Variants in MINDY3 observed in about 807,000 individuals in gnomAD.
MINDY3 encodes MINDY lysine 48 deubiquitinase 3.
In MINDY3, 38 loss-of-function variants were observed where a neutral mutation model predicts 69.2. The ratio of observed to expected loss-of-function variants is 0.55; its 90% CI spans 0.42 to 0.72. MINDY3 has a LOEUF of 0.72. Among genes scored for constraint, MINDY3 ranks in the 30% least tolerant of loss-of-function variants. The pLI is 0.00. For missense variants in MINDY3, 522 were observed against 519.0 expected, an observed-to-expected ratio of 1.01 and a Z score of -0.06; for synonymous variants, 192 against 180.1, an observed-to-expected ratio of 1.07 and a Z score of -0.53.
chr10:15,782,187 T>C lies in MINDY3; in HGVS notation c.1156A>G (p.Asn386Asp), dbSNP rs1189202135. The C allele has an allele frequency of 1.9e-6, 3 of 1,611,046 alleles. No individual in the cohort carries two copies. The highest frequency in any genetic ancestry group is 2.7e-5 in the African/African-American group (2 of 74,918). ...GPESFTVYHY[N>D]GLKQSNYNEK... is the part of the protein sequence containing the mutation. ...TTATAATTTGACTGCTTCAATCCATTGTAGTGGTAGACAGTAAAAGATTCT... is the reference window on the plus strand; with the variant it reads ...TTATAATTTGACTGCTTCAATCCATCGTAGTGGTAGACAGTAAAAGATTCT... Residue 386 changes from asparagine to aspartate, a missense_variant, in exon 14 of 15, where the codon AAT becomes GAT. Asn to Asp is a conservative substitution (Grantham distance 23). Coordinates refer to ENST00000277632, the MANE Select transcript of MINDY3 (RefSeq NM_024948.4).
chr10:15,804,640 T>C (rs759242832), intron 10 of MINDY3, among the ~76,000 whole-genome samples: 1 of 152,120 alleles, frequency 6.6e-6, no homozygotes, highest in Non-Finnish European at 1.5e-5. Flanking sequence ...CTCCAATAAA[T>C]AAATAAAAGG....
chr10:15,845,483 T>C (rs890816878), intron 2 of MINDY3, among the ~76,000 whole-genome samples: 8 of 152,118 alleles, frequency 5.3e-5, no homozygotes, highest in Admixed American at 1.3e-4. Flanking sequence ...CAAAATTCTT[T>C]ACAAAGTTTA....
rs1436519219 is a variant in MINDY3 at position 15,860,496 on chromosome 10, C to A, written c.-197G>T. ...CAGGTTGGGGCAGCAGCGAGTTTTC[C>A]GTACCGGAAGTGCTGGTGCCACTTC... is the stretch of plus-strand genomic sequence containing the variant. On this transcript the variant is annotated 5_prime_UTR_variant, in exon 1 of 15. Transcript: ENST00000277632. 1 of 599,324 alleles carries A rather than the reference C, an allele frequency of 1.7e-6. No individual in the cohort carries two copies. The highest frequency in any genetic ancestry group is 2.9e-6 in the Non-Finnish European group (1 of 340,842). 37.1% of individuals were successfully genotyped at this position (599,324 alleles called of 1,614,324 possible). A position where few individuals can be genotyped will look rare whatever the true frequency, so the allele number is the denominator to read the frequency against.
intron 10 of MINDY3, 38 bp downstream of exon 10, chr10:15,816,796 GA>G (rs1839401474): frequency 3.0e-6 from 4 of 1,340,894 alleles, no homozygotes; most frequent in Middle Eastern, 1.8e-4. Context: ...TTGTTTGCCT[GA>G]TGTCATAACT....
chr10:15,839,303 G>A (rs547133005), intron 4 of MINDY3, among the ~76,000 whole-genome samples: 2 of 151,552 alleles, frequency 1.3e-5, no homozygotes, highest in African/African-American at 4.8e-5. Flanking sequence ...TTATTTCTTG[G>A]TTTATGTGGG....
At chr10:15,804,002 C>G (rs1017227557) in intron 10 of MINDY3, among the ~76,000 whole-genome samples, 22 of 152,116 alleles carry the variant, frequency 1.4e-4, no homozygotes, top group African/African-American at 5.3e-4. Context: ...AGATCCTACA[C>G]ATGAGACTCA....
chr10:15,853,961 G>A (rs1340198557), intron 1 of MINDY3, among the ~76,000 whole-genome samples: 1 of 152,188 alleles, frequency 6.6e-6, no homozygotes, highest in African/African-American at 2.4e-5. Flanking sequence ...TTGTTCCGAT[G>A]ACATCACTGG....
intron 1 of MINDY3, among the ~76,000 whole-genome samples, chr10:15,858,867 T>C (rs1834879971): frequency 6.6e-6 from 1 of 152,118 alleles, no homozygotes; most frequent in African/African-American, 2.4e-5. Context: ...TAAGTCAAAG[T>C]GGGAAGTGTT....
intron 6 of MINDY3, among the ~76,000 whole-genome samples, chr10:15,835,164 G>A (rs911520456): frequency 6.6e-6 from 1 of 151,934 alleles, no homozygotes; most frequent in African/African-American, 2.4e-5. Context: ...AATTAGGAGG[G>A]CAGGAAGTGC....
At chr10:15,827,665 G>C (rs1393433737) in intron 8 of MINDY3, among the ~76,000 whole-genome samples, 3 of 152,074 alleles carry the variant, frequency 2.0e-5, no homozygotes, top group Non-Finnish European at 4.4e-5. Context: ...GTCAAACAGA[G>C]GAAGAACTAA....
chr10:15,847,793 C>T, intron 2 of MINDY3, 71 bp downstream of exon 2: 4 of 1,056,542 alleles, frequency 3.8e-6, no homozygotes, highest in Non-Finnish European at 5.9e-6. Context: ...GGAGTACAGA[C>T]ATTAGAAAAC....
intron 4 of MINDY3, among the ~76,000 whole-genome samples, chr10:15,840,993 T>C (rs780837115): frequency 2.0e-5 from 3 of 151,506 alleles, no homozygotes; most frequent in East Asian, 1.9e-4. Context: ...AAGAAACAGC[T>C]TGCAATGAGG....
At chr10:15,821,187 G>C (rs1839732530) in intron 9 of MINDY3, among the ~76,000 whole-genome samples, 1 of 152,116 alleles carries the variant, frequency 6.6e-6, no homozygotes, top group Non-Finnish European at 1.5e-5. Flanking sequence ...TAAAATGCTT[G>C]AAATTTTTTT....
intron 10 of MINDY3, among the ~76,000 whole-genome samples, chr10:15,798,862 T>A (rs1342497807): frequency 6.6e-6 from 1 of 151,842 alleles, no homozygotes; most frequent in East Asian, 1.9e-4. Context: ...ATACCACACA[T>A]CTCTTTCTTG....
At chr10:15,857,569 G>A (rs998069623) in intron 1 of MINDY3, among the ~76,000 whole-genome samples, 1 of 152,046 alleles carries the variant, frequency 6.6e-6, no homozygotes, top group African/African-American at 2.4e-5. Context: ...AGGCAATTGA[G>A]CAGGAGGAAA....
At chr10:15,802,814 A>C (rs994882951) in intron 10 of MINDY3, among the ~76,000 whole-genome samples, 62 of 152,266 alleles carry the variant, frequency 4.1e-4, no homozygotes, top group African/African-American at 1.4e-3. Context: ...GAACAATAAA[A>C]AAAAAAAAAT....
chr10:15,854,147 C>A (rs963991185), intron 1 of MINDY3, among the ~76,000 whole-genome samples: 1 of 152,050 alleles, frequency 6.6e-6, no homozygotes, highest in Non-Finnish European at 1.5e-5. Context: ...TTCAATTTAA[C>A]AGAGGATGAA....
At chr10:15,831,673 C>CTTTTTTTTTTTT (rs10716234) in intron 8 of MINDY3, among the ~76,000 whole-genome samples, 1 of 121,384 alleles carries the variant, frequency 8.2e-6, no homozygotes. Flanking sequence ...GCCTCCTTTT[C>CTTTTTTTTTTTT]TTTTTTTTTT....
chr10:15,793,250 A>G (rs12247963), intron 11 of MINDY3, among the ~76,000 whole-genome samples: 30,507 of 152,110 alleles, frequency 0.2, 7,885 homozygotes, highest in African/African-American at 0.6. Flanking sequence ...CTTTGAATAG[A>G]CCTGATAACT....
Sources: allele counts gnomAD v4.1 joint callset (sites outside exome capture counted in the v4.1 genomes callset), GRCh38; gene constraint gnomAD v4.1.1; transcripts MANE v1.5; gene names NCBI Gene and HGNC (gene_info 2026-07-23, HGNC 2026-07-21).